Variants in HS3ST4 observed in about 807,000 individuals in gnomAD.
HS3ST4 encodes heparan sulfate glucosamine 3-O-sulfotransferase 4.
HS3ST4 carries 17 observed loss-of-function variants against 29.2 expected under a neutral mutation model. The ratio of observed to expected loss-of-function variants is 0.58; its 90% CI spans 0.40 to 0.87. The LOEUF is 0.87. Ranked by LOEUF, HS3ST4 falls within the 40% of genes least tolerant of loss-of-function variation. The pLI is 0.00. For synonymous variants in HS3ST4, 314 were observed against 285.7 expected (o/e 1.10, Z -1.00); for missense variants, 627 against 634.5 (o/e 0.99, Z 0.13).
chr16:25,861,779 C>A (rs528562739), intron 1 of HS3ST4, among the ~76,000 whole-genome samples: 16 of 152,250 alleles, frequency 1.1e-4, no homozygotes, highest in African/African-American at 3.9e-4. Context: ...TACCACTTAT[C>A]CTCCCTTAAC....
chr16:26,032,523 C>G (rs1969540848), intron 1 of HS3ST4: 3 of 1,395,728 alleles, frequency 2.1e-6, no homozygotes, highest in Non-Finnish European at 2.0e-6. Context: ...ACACAGTTAT[C>G]AAAAATGCAC....
At chr16:25,914,319 G>C in intron 1 of HS3ST4, among the ~76,000 whole-genome samples, 1 of 150,224 alleles carries the variant, frequency 6.7e-6, no homozygotes, top group East Asian at 2.0e-4. Flanking sequence ...GTGTGTATAG[G>C]GGTATATGTG....
At chr16:25,979,485 G>A (rs1465583007) in intron 1 of HS3ST4, among the ~76,000 whole-genome samples, 2 of 152,100 alleles carry the variant, frequency 1.3e-5, no homozygotes, top group Admixed American at 6.6e-5. Context: ...GAACACTATT[G>A]TGAACTTTGC....
intron 1 of HS3ST4, among the ~76,000 whole-genome samples, chr16:26,120,574 A>G (rs576026382): frequency 2.0e-5 from 3 of 152,348 alleles, no homozygotes; most frequent in Non-Finnish European, 2.9e-5. Context: ...GCTAAACTCT[A>G]GAGCTGGTGC....
At chr16:26,055,725 G>T (rs1489561658) in intron 1 of HS3ST4, among the ~76,000 whole-genome samples, 3 of 152,180 alleles carry the variant, frequency 2.0e-5, no homozygotes, top group Non-Finnish European at 4.4e-5. Flanking sequence ...GCATGTGGGT[G>T]CATATGGAAG....
Position 26,092,953 on chromosome 16 carries a change from G to A in HS3ST4, c.735-42659G>A, listed in dbSNP as rs752142164. 3.9e-5 allele frequency among the ~76,000 whole-genome samples: 6 copies of A among 152,170 alleles called. No individual in the cohort carries two copies. The South Asian group carries it at 6.2e-4, about 16-fold the overall frequency. On this transcript the variant is annotated intron_variant, in intron 1 of 1. Coordinates refer to ENST00000331351, the MANE Select transcript of HS3ST4 (RefSeq NM_006040.3). ...GGAGATTCTCTCCCGTGCCTGACTC[G>A]GTGGGTCCTTCGCCCACAGAGCCTT...
At chr16:25,724,743 A>C (rs907112449) in intron 1 of HS3ST4, among the ~76,000 whole-genome samples, 2 of 152,116 alleles carry the variant, frequency 1.3e-5, no homozygotes, top group African/African-American at 4.8e-5. Flanking sequence ...TGGCTCATAA[A>C]ATTCCTCATC....
chr16:25,929,999 A>T (rs546927487), intron 1 of HS3ST4, among the ~76,000 whole-genome samples: 1 of 152,120 alleles, frequency 6.6e-6, no homozygotes, highest in South Asian at 2.1e-4. Flanking sequence ...ATTCTCTGCT[A>T]TGTGTCCAAG....
chr16:25,723,765 T>G (rs1206612588), intron 1 of HS3ST4, among the ~76,000 whole-genome samples: 1 of 152,360 alleles, frequency 6.6e-6, no homozygotes, highest in Non-Finnish European at 1.5e-5. Context: ...TGTATTTATG[T>G]TCTTTATATT....
intron 1 of HS3ST4, among the ~76,000 whole-genome samples, chr16:25,914,011 G>T (rs1051534295): frequency 6.6e-6 from 1 of 150,906 alleles, no homozygotes; most frequent in Non-Finnish European, 1.5e-5. Flanking sequence ...GTATGTGTGT[G>T]TATGTGGATG....
At chr16:25,903,302 G>GTGTATATGTATATGTATATATCATATACA (rs151301516) in intron 1 of HS3ST4, among the ~76,000 whole-genome samples, 1 of 103,500 alleles carries the variant, frequency 9.7e-6, no homozygotes, top group Non-Finnish European at 2.0e-5. Context: ...GTGTGTGTGT[G>GTGTATATGTATATGTATATATCATATACA]TATGTATATG....
chr16:25,767,159 T>G (rs1335740683), intron 1 of HS3ST4, among the ~76,000 whole-genome samples: 5 of 152,230 alleles, frequency 3.3e-5, no homozygotes, highest in African/African-American at 4.8e-5. Flanking sequence ...CTCTGAGTGG[T>G]TGGGGGAACT....
At chr16:25,840,775 T>C (rs1378959515) in intron 1 of HS3ST4, among the ~76,000 whole-genome samples, 1 of 152,070 alleles carries the variant, frequency 6.6e-6, no homozygotes, top group Non-Finnish European at 1.5e-5. Context: ...TACACATCCT[T>C]ACAGCTTGGA....
In HS3ST4 at chr16:26,127,744, C is replaced by T. The variant is rs150173883; in HGVS notation, c.735-7868C>T. ...ATGGGGAATAATGAGTATCTACCTT[C>T]TCAGCCTGCTTTGGTAGGGCTATTG... On this transcript the variant is annotated intron_variant, in intron 1 of 1. Transcript: ENST00000331351. Among the ~76,000 whole-genome samples, 274 of 152,308 alleles carry T rather than the reference C, an allele frequency of 1.8e-3. 3 individuals carry two copies. In the East Asian group the frequency reaches 0.028, roughly 16 times the overall value.
At chr16:25,808,343 A>G (rs1182606384) in intron 1 of HS3ST4, among the ~76,000 whole-genome samples, 1 of 152,218 alleles carries the variant, frequency 6.6e-6, no homozygotes, top group East Asian at 1.9e-4. Flanking sequence ...TATTTTGCCT[A>G]TGCAAATTGT....
chr16:25,955,877 C>T (rs542734111), intron 1 of HS3ST4, among the ~76,000 whole-genome samples: 76 of 148,618 alleles, frequency 5.1e-4, no homozygotes, highest in African/African-American at 1.4e-3. Flanking sequence ...TGCAGTGGTG[C>T]GATCTCGGCT....
intron 1 of HS3ST4, among the ~76,000 whole-genome samples, chr16:25,814,316 A>G (rs547321858): frequency 1.4e-5 from 2 of 143,154 alleles, no homozygotes; most frequent in Non-Finnish European, 3.0e-5. Context: ...ATGCTCACTG[A>G]TGTTGTTATG....
At chr16:25,950,065 C>T (rs1335700622) in intron 1 of HS3ST4, among the ~76,000 whole-genome samples, 1 of 152,142 alleles carries the variant, frequency 6.6e-6, no homozygotes, top group Non-Finnish European at 1.5e-5. Flanking sequence ...CGCAAATTAC[C>T]TGTGTCTTAC....
rs147011232 is a variant in HS3ST4, at chr16:25,758,480, A to G, written c.734+65329A>G. On this transcript the variant is annotated intron_variant, in intron 1 of 1. Transcript: ENST00000331351. The stretch of plus-strand genomic sequence containing the variant: ...TGCTCCCTTTAGGGTCCTTCTTTCC[A>G]TGTGGGTGTAACTGTCTGGGGCCTC... Among the ~76,000 whole-genome samples, 36 of 152,100 alleles carry G rather than the reference A, an allele frequency of 2.4e-4. No homozygotes were observed. The East Asian group carries it at 5.8e-3, about 25-fold the overall frequency.
Sources: gnomAD v4.1 joint callset for allele counts (sites outside exome capture counted in the v4.1 genomes callset) on GRCh38, gnomAD v4.1.1 for gene constraint, MANE v1.5 for transcripts, NCBI Gene and HGNC (gene_info 2026-07-23, HGNC 2026-07-21) for gene names.